The following DCHS2 variants were observed in gnomAD, a reference collection of about 807,000 sequenced individuals.
DCHS2 encodes the protein protocadherin-23.
A neutral mutation model predicts 182.4 loss-of-function variants in DCHS2; 142 were observed. That is an observed-to-expected ratio of 0.78 (90% CI 0.68 to 0.89). The LOEUF is 0.89. DCHS2 is among the 40% of genes least tolerant of loss of function. The pLI is 0.00. For synonymous variants in DCHS2, 1,740 were observed against 1,663.3 expected, an observed-to-expected ratio of 1.05 and a Z score of -1.12; for missense variants, 4,319 against 4,198.6, an observed-to-expected ratio of 1.03 and a Z score of -0.79.
rs1416190512 is a variant in DCHS2 at position 154,490,249 on chromosome 4, T to C, written c.1107A>G (p.Arg369=). ...AGGCCTGTGCCTCGCGGTCCAGAGG[T>C]CTCCACACTCGCACCACGCCGCTCA... ...EELSGVVRVW[R]PLDREAQAWH... The change falls in exon 1 of 20, where the codon AGA becomes AGG. Residue 369 remains arginine (R), a synonymous_variant. Coordinates refer to ENST00000357232, the MANE Select transcript of DCHS2 (RefSeq NM_001358235.2). 7.7e-6 allele frequency: 12 copies of C among 1,548,626 alleles called. No homozygotes were observed. The East Asian group carries it at 2.2e-4, about 28-fold the overall frequency.
chr4:154,331,621 G>T, intron 5 of DCHS2: 2 of 1,613,680 alleles, frequency 1.2e-6, no homozygotes, highest in Non-Finnish European at 1.7e-6. Context: ...GAGAACAAAG[G>T]CTTGAAGTTC....
chr4:154,240,184 T>C (rs539949166), intron 18 of DCHS2, among the ~76,000 whole-genome samples: 4 of 152,168 alleles, frequency 2.6e-5, no homozygotes, highest in South Asian at 4.1e-4. Flanking sequence ...TCCAAAAATA[T>C]GCCTATGAAA....
chr4:154,303,448 C>T (rs1395490420), intron 12 of DCHS2, among the ~76,000 whole-genome samples: 1 of 108,856 alleles, frequency 9.2e-6, no homozygotes, highest in Non-Finnish European at 1.8e-5. Flanking sequence ...TGTCTGCGTA[C>T]ATAAGTTTTC....
In DCHS2 at chr4:154,247,652, A is replaced by C. The variant is rs1341365425; in HGVS notation, c.6942-4880T>G. ...CTCCGTCTCAAAAAAAAAAAAAAAA[A>C]AAAAAAAAAAAAAAAAAAAAGAATT... On this transcript the variant is annotated intron_variant, in intron 16 of 19. Coordinates refer to ENST00000357232, the MANE Select transcript of DCHS2 (RefSeq NM_001358235.2). 6.4e-4 allele frequency among the ~76,000 whole-genome samples: 3 copies of C among 4,714 alleles called. No homozygotes were observed. In the East Asian group the frequency reaches 0.38, roughly 589 times the overall value. The allele number at this position is 4,714 out of a possible 152,430, so 3.1% of individuals were successfully genotyped here.
chr4:154,489,746 G>A lies in DCHS2; in HGVS notation c.1610C>T (p.Pro537Leu), dbSNP rs776475714. The change falls in exon 1 of 20, where the codon CCT (proline) becomes CTT (leucine). Residue 537 changes from proline to leucine, a missense_variant. Transcript: ENST00000357232. ...LRVADLNDQPPLFSQQHYKAS... is the reference protein window; with the variant it reads ...LRVADLNDQPLLFSQQHYKAS... ...CTTGTAATGCTGTTGGCTGAAGAGA[G>A]GTGGTTGGTCATTGAGGTCAGCGAC... 8.4e-6 allele frequency: 13 copies of A among 1,551,674 alleles called. No homozygotes were observed. The highest frequency in any genetic ancestry group is 3.6e-5 in the South Asian group (3 of 84,062).
In DCHS2 at chr4:154,250,559, A is replaced by T. The variant is rs1337288485; in HGVS notation, c.6941+4960T>A. Among the ~76,000 whole-genome samples the T allele has an allele frequency of 2.0e-5, 3 of 152,286 alleles. No homozygotes were observed. The East Asian group carries it at 5.8e-4, about 29-fold the overall frequency. On this transcript the variant is annotated intron_variant, in intron 16 of 19. Coordinates refer to ENST00000357232, the MANE Select transcript of DCHS2 (RefSeq NM_001358235.2). Reference sequence around the variant, plus strand: ...CCAGAATAAAAAAATCATAATCTCCATCTGTTCCTCTCCCTTCCTTTCCTA... The same window carrying T: ...CCAGAATAAAAAAATCATAATCTCCTTCTGTTCCTCTCCCTTCCTTTCCTA...
chr4:154,441,543 C>T (rs1159756841), intron 1 of DCHS2, among the ~76,000 whole-genome samples: 2 of 145,870 alleles, frequency 1.4e-5, no homozygotes, highest in Non-Finnish European at 3.0e-5. Context: ...AATAGGATAA[C>T]ATAAATAAAA....
At position 154,300,702 on chromosome 4, in the gene DCHS2, G is replaced by A. The variant is rs564139764; in HGVS notation, c.5606-1994C>T. On this transcript the variant is annotated intron_variant, in intron 12 of 19. Transcript: ENST00000357232. ...GCACAGCCTTGGTGACAGATCGAGA[G>A]CCTGTCTTTAAAAAAAAAGAAAAGA... Among the ~76,000 whole-genome samples the A allele has an allele frequency of 1.7e-3, 260 of 151,750 alleles. 1 individual carries two copies. The highest frequency in any genetic ancestry group is 0.012 in the South Asian group (55 of 4,780).
At chr4:154,284,883 G>A (rs764690512) in intron 13 of DCHS2, among the ~76,000 whole-genome samples, 23 of 152,114 alleles carry the variant, frequency 1.5e-4, no homozygotes, top group Non-Finnish European at 2.9e-4. Context: ...GACCTACTGA[G>A]ACACCAACTG....
intron 1 of DCHS2, among the ~76,000 whole-genome samples, chr4:154,477,980 T>C (rs2111031136): frequency 6.6e-6 from 1 of 152,324 alleles, no homozygotes; most frequent in African/African-American, 2.4e-5. Context: ...TGAAGGATTA[T>C]CACAATTATT....
intron 1 of DCHS2, among the ~76,000 whole-genome samples, chr4:154,388,076 C>G (rs1299193990): frequency 6.6e-6 from 1 of 152,084 alleles, no homozygotes; most frequent in Non-Finnish European, 1.5e-5. Flanking sequence ...GTTAAACATT[C>G]TCCCAAATCT....
rs771190029 is a variant in DCHS2 at position 154,321,212 on chromosome 4, A to G, written c.4187T>C (p.Leu1396Pro). 1.1e-5 allele frequency: 17 copies of G among 1,520,434 alleles called. No homozygotes were observed. The highest frequency in any genetic ancestry group is 1.1e-5 in the Non-Finnish European group (13 of 1,133,896). The allele number at this position is 1,520,434 out of a possible 1,614,324, so 94.2% of individuals were successfully genotyped here. The change falls in exon 9 of 20, where the codon CTA (leucine) becomes CCA (proline). Residue 1396 changes from leucine (L) to proline (P), a missense_variant. Transcript: ENST00000357232. ...AGACATGATTGCTCTCCCTTTGGAT[A>G]GTGGGATCACCTGAAATACGAATAA... is the stretch of plus-strand genomic sequence containing the variant. Reference protein sequence around the residue: ...QAVVNIQVIPLSKGRAIMSQN... With the variant: ...QAVVNIQVIPPSKGRAIMSQN...
At chr4:154,262,300 A>G (rs1418469213) in intron 14 of DCHS2, 1 of 152,202 alleles carries the variant, frequency 6.6e-6, no homozygotes, top group Non-Finnish European at 1.5e-5. Context: ...TGCAAGTAGA[A>G]AAGACAATAA....
chr4:154,333,480 T>C lies in DCHS2; in HGVS notation c.2728A>G (p.Ile910Val), dbSNP rs754987133. 2 of 1,612,324 alleles carry C rather than the reference T, an allele frequency of 1.2e-6. No homozygotes were observed. The highest frequency in any genetic ancestry group is 1.7e-5 in the Admixed American group (1 of 59,920). The change falls in exon 5 of 20, where the codon ATC (isoleucine) becomes GTC (valine). Residue 910 changes from isoleucine (I) to valine (V), a missense_variant. Coordinates refer to ENST00000357232, the MANE Select transcript of DCHS2 (RefSeq NM_001358235.2). The stretch of plus-strand genomic sequence containing the variant: ...TCACCAGAAGAAATCCTGTAAAAGA[T>C]TGGTTCTGAGGAGTCTGAAAAAGAG... Reference protein sequence around the residue: ...AREPLNSSEPIFYRISSGDLG... With the variant: ...AREPLNSSEPVFYRISSGDLG...
chr4:154,490,512 C>A lies in DCHS2; in HGVS notation c.844G>T (p.Val282Leu). 1 of 1,537,568 alleles carries A rather than the reference C, an allele frequency of 6.5e-7. No homozygotes were observed. Among genetic ancestry groups the A allele is most frequent in the South Asian group, 1.2e-5 (1 of 83,952 alleles). ...TTCTCATCCAGCACGCGCAGCTCCACGCTCAGGAGGCCGGTGCGCCGGGGT... is the reference window on the plus strand; with the variant it reads ...TTCTCATCCAGCACGCGCAGCTCCAAGCTCAGGAGGCCGGTGCGCCGGGGT... ...GRPRRTGLLS[V>L]ELRVLDENDN... is the part of the protein sequence containing the mutation. The change falls in exon 1 of 20, where the codon GTG becomes TTG. Residue 282 changes from valine to leucine, a missense_variant. By Grantham distance (32) the Val-to-Leu change is conservative (BLOSUM62 1). Coordinates refer to ENST00000357232, the MANE Select transcript of DCHS2 (RefSeq NM_001358235.2).
chr4:154,472,660 G>A (rs1005570357), intron 1 of DCHS2, among the ~76,000 whole-genome samples: 6 of 152,026 alleles, frequency 3.9e-5, no homozygotes, highest in South Asian at 4.1e-4. Flanking sequence ...TTAATGAACT[G>A]CTAACACTGA....
chr4:154,298,425 G>GC lies in DCHS2; in HGVS notation c.5888dup (p.Leu1964ProfsTer6). 1 of 1,614,114 alleles carries GC rather than the reference G, an allele frequency of 6.2e-7. No homozygotes were observed. The highest frequency in any genetic ancestry group is 1.1e-5 in the South Asian group (1 of 91,068). ...GAAAATACTCAGTTTGCCCATTCAG[G>GC]CCTTCATCCTTGTCCACAGCTGAAA... is the stretch of plus-strand genomic sequence containing the variant. On this transcript the variant is annotated frameshift_variant, in exon 13 of 20. Coordinates refer to ENST00000357232, the MANE Select transcript of DCHS2 (RefSeq NM_001358235.2). LOFTEE classifies it high-confidence loss of function.
intron 3 of DCHS2, among the ~76,000 whole-genome samples, chr4:154,345,665 G>A (rs1364470079): frequency 1.9e-4 from 1 of 5,232 alleles, no homozygotes; most frequent in Non-Finnish European, 4.8e-4. Flanking sequence ...TCCTGTTTTT[G>A]TTTGTCCCCC....
At chr4:154,261,536 T>A (rs1732985027) in intron 14 of DCHS2, among the ~76,000 whole-genome samples, 1 of 152,202 alleles carries the variant, frequency 6.6e-6, no homozygotes, top group Non-Finnish European at 1.5e-5. Flanking sequence ...TTGCTCTATC[T>A]GAATCAGCTT....
Sources: gnomAD v4.1 joint callset for allele counts (sites outside exome capture counted in the v4.1 genomes callset) on GRCh38, gnomAD v4.1.1 for gene constraint, MANE v1.5 for transcripts, NCBI Gene and HGNC (gene_info 2026-07-23, HGNC 2026-07-21) for gene names.